Variants in CCDC93 observed in about 807,000 individuals in gnomAD.
CCDC93 encodes CCC complex scaffolding subunit CCDC93.
CCDC93 carries 61 observed loss-of-function variants against 108.2 expected under a neutral mutation model. The ratio of observed to expected loss-of-function variants is 0.56; its 90% confidence interval spans 0.46 to 0.70. The LOEUF is 0.70. CCDC93 is among the 30% of genes least tolerant of loss of function. The pLI, the probability that CCDC93 is intolerant of heterozygous loss-of-function variation, is 0.00. For synonymous variants in CCDC93, 276 were observed against 260.4 expected, an observed-to-expected ratio of 1.06 and a Z score of -0.58; for missense variants, 685 against 764.2, an observed-to-expected ratio of 0.90 and a Z score of 1.22.
intron 6 of CCDC93, among the ~76,000 whole-genome samples, chr2:117,989,685 G>A (rs1680418959): frequency 6.6e-6 from 1 of 152,144 alleles, no homozygotes; most frequent in East Asian, 1.9e-4. Flanking sequence ...AACCTCTGTG[G>A]TTTTCCATCT....
At position 117,951,244 on chromosome 2, in the gene CCDC93, G is replaced by A. The variant is rs926546865; in HGVS notation, c.1068+1129C>T. On this transcript the variant is annotated intron_variant, in intron 13 of 23. Transcript: ENST00000376300. Reference sequence around the variant, plus strand: ...AAATATCACAGAGGGCTCCCAACCCGCAGAGCTTGCCATCTAATCCGTAAG... The same window carrying A: ...AAATATCACAGAGGGCTCCCAACCCACAGAGCTTGCCATCTAATCCGTAAG... 15 of 985,214 alleles carry A rather than the reference G, an allele frequency of 1.5e-5. No individual in the cohort carries two copies. The South Asian group carries it at 5.6e-4, about 37-fold the overall frequency. 61.0% of individuals were successfully genotyped at this position (985,214 alleles called of 1,614,324 possible). A position where few individuals can be genotyped will look rare whatever the true frequency, so the allele number is the denominator to read the frequency against.
chr2:117,972,031 A>G (rs2104777587), intron 11 of CCDC93, among the ~76,000 whole-genome samples: 1 of 152,342 alleles, frequency 6.6e-6, no homozygotes, highest in Middle Eastern at 3.4e-3. Context: ...GCTTATGCCA[A>G]AATCTGTGCA....
intron 12 of CCDC93, among the ~76,000 whole-genome samples, chr2:117,952,669 T>C (rs572656631): frequency 3.9e-5 from 6 of 152,334 alleles, no homozygotes; most frequent in Admixed American, 2.0e-4. Flanking sequence ...TGAATCTTTA[T>C]ATTCAGTGAA....
intron 11 of CCDC93, among the ~76,000 whole-genome samples, chr2:117,959,456 T>C (rs1056249809): frequency 1.3e-5 from 2 of 152,224 alleles, no homozygotes; most frequent in African/African-American, 4.8e-5. Context: ...ATATTCAACT[T>C]TCCCTGAATG....
At chr2:117,956,309 A>G (rs1046496586) in intron 12 of CCDC93, among the ~76,000 whole-genome samples, 32 of 152,366 alleles carry the variant, frequency 2.1e-4, no homozygotes, top group African/African-American at 7.7e-4. Flanking sequence ...ACTCTGGGTA[A>G]AAGTGTTCTG....
intron 11 of CCDC93, among the ~76,000 whole-genome samples, chr2:117,966,344 A>C (rs1025519196): frequency 1.3e-5 from 2 of 152,250 alleles, no homozygotes; most frequent in Non-Finnish European, 2.9e-5. Context: ...GAAACTGTCT[A>C]CAGTCAGGCC....
intron 8 of CCDC93, 85 bp downstream of exon 8, chr2:117,977,909 G>T: frequency 7.7e-7 from 1 of 1,294,226 alleles, no homozygotes; most frequent in Non-Finnish European, 1.1e-6. Flanking sequence ...AGAAGCTGCT[G>T]CCCGGCTTGT....
At position 117,947,608 on chromosome 2, in the gene CCDC93, T is replaced by A. The variant is rs1274082216; in HGVS notation, c.1224+497A>T. On this transcript the variant is annotated intron_variant, in intron 15 of 23. Transcript: ENST00000376300. Reference sequence around the variant, plus strand: ...CAAATACCAAAGTTAGGTGACATTGTTTGTTTTGGGGTTTGGCACAAAGTT... The same window carrying A: ...CAAATACCAAAGTTAGGTGACATTGATTGTTTTGGGGTTTGGCACAAAGTT... 2.6e-5 allele frequency among the ~76,000 whole-genome samples: 4 copies of A among 152,192 alleles called. No homozygotes were observed. In the East Asian group the frequency reaches 7.7e-4, roughly 29 times the overall value.
intron 7 of CCDC93, among the ~76,000 whole-genome samples, chr2:117,981,461 C>T (rs1680113451): frequency 6.6e-6 from 1 of 152,220 alleles, no homozygotes; most frequent in South Asian, 2.1e-4. Flanking sequence ...GTGCCGCATG[C>T]TTCCATTTGC....
intron 23 of CCDC93, among the ~76,000 whole-genome samples, chr2:117,922,248 G>A (rs1677895251): frequency 6.6e-6 from 1 of 152,116 alleles, no homozygotes; most frequent in Non-Finnish European, 1.5e-5. Flanking sequence ...GTACTTTTCG[G>A]TAGAGACAGC....
intron 7 of CCDC93, among the ~76,000 whole-genome samples, chr2:117,979,529 C>T (rs1680047435): frequency 6.6e-6 from 1 of 152,338 alleles, no homozygotes; most frequent in South Asian, 2.1e-4. Flanking sequence ...GGCAAAGATT[C>T]TACCTTTATA....
chr2:117,959,118 G>C (rs1380052687), intron 11 of CCDC93, among the ~76,000 whole-genome samples: 2 of 152,200 alleles, frequency 1.3e-5, no homozygotes, highest in Non-Finnish European at 2.9e-5. Flanking sequence ...GAGTGTGAGA[G>C]AGATCTCTGA....
intron 7 of CCDC93, among the ~76,000 whole-genome samples, chr2:117,983,236 A>T (rs965735999): frequency 9.2e-5 from 14 of 152,082 alleles, no homozygotes; most frequent in African/African-American, 3.4e-4. Context: ...TCCCCTAAAC[A>T]TCATTTACTA....
chr2:117,985,897 T>C (rs1432668090), intron 7 of CCDC93, 72 bp downstream of exon 7: 2 of 910,906 alleles, frequency 2.2e-6, no homozygotes, highest in Non-Finnish European at 3.5e-6. Flanking sequence ...GCTAGTCAAG[T>C]TAATCCAAAT....
intron 7 of CCDC93, among the ~76,000 whole-genome samples, chr2:117,981,997 A>T (rs529071680): frequency 6.6e-6 from 1 of 152,170 alleles, no homozygotes; most frequent in East Asian, 1.9e-4. Context: ...TTTGACAAGA[A>T]CTTACTAAAT....
chr2:117,951,885 C>G (rs1015229502), intron 13 of CCDC93, among the ~76,000 whole-genome samples: 1 of 152,160 alleles, frequency 6.6e-6, no homozygotes, highest in African/African-American at 2.4e-5. Flanking sequence ...CCTCCTTCTC[C>G]TCCTGCAGCC....
intron 11 of CCDC93, among the ~76,000 whole-genome samples, chr2:117,971,035 G>A (rs962197433): frequency 3.3e-5 from 5 of 152,140 alleles, no homozygotes; most frequent in East Asian, 3.8e-4. Flanking sequence ...AATGAACTGC[G>A]CTGTATTAAC....
At chr2:117,955,607 C>T (rs11890821) in intron 12 of CCDC93, among the ~76,000 whole-genome samples, 55,565 of 152,102 alleles carry the variant, frequency 0.37, 10,942 homozygotes, top group African/African-American at 0.49. Context: ...TATGTGACTA[C>T]AGACAGCCTG....
chr2:118,007,302 G>C (rs1049753373), intron 2 of CCDC93, among the ~76,000 whole-genome samples: 1 of 152,180 alleles, frequency 6.6e-6, no homozygotes, highest in Non-Finnish European at 1.5e-5. Context: ...GGAATTCTCT[G>C]AGATGCAAAT....
Sources: gnomAD v4.1 joint callset for allele counts (sites outside exome capture counted in the v4.1 genomes callset) on GRCh38, gnomAD v4.1.1 for gene constraint, MANE v1.5 for transcripts, NCBI Gene and HGNC (gene_info 2026-07-23, HGNC 2026-07-21) for gene names.